Variants in FAM20A observed in about 807,000 individuals in gnomAD.
FAM20A encodes the protein FAM20A golgi associated secretory pathway pseudokinase.
A neutral mutation model predicts 52.0 loss-of-function variants in FAM20A; 42 were observed. The observed-to-expected ratio is 0.81, with a 90% CI of 0.63 to 1.04. The LOEUF is 1.04. FAM20A is among the 50% of genes least tolerant of loss of function. FAM20A has a pLI of 0.00. For missense variants in FAM20A, 742 were observed against 712.7 expected (o/e 1.04, Z -0.47); for synonymous variants, 304 against 298.9 (o/e 1.02, Z -0.18).
At chr17:68,563,373 T>G (rs1598039295) in intron 1 of FAM20A, among the ~76,000 whole-genome samples, 1 of 122,056 alleles carries the variant, frequency 8.2e-6, no homozygotes. Context: ...GCAACAAGAG[T>G]GAGACTCCGT....
At chr17:68,539,524 C>T in intron 9 of FAM20A, 128 bp from the exon 10 acceptor site, 1 of 803,056 alleles carries the variant, frequency 1.2e-6, no homozygotes, top group Admixed American at 1.9e-5. Flanking sequence ...ATGGCAGCTG[C>T]CTCTCCAGCC....
chr17:68,564,427 T>C (rs532508264), intron 1 of FAM20A, among the ~76,000 whole-genome samples: 18 of 152,336 alleles, frequency 1.2e-4, no homozygotes, highest in African/African-American at 4.1e-4. Flanking sequence ...AACACTGTTC[T>C]ACTGGCTAAC....
chr17:68,540,091 G>A, intron 8 of FAM20A, 125 bp from the exon 9 acceptor site: 1 of 787,936 alleles, frequency 1.3e-6, no homozygotes, highest in South Asian at 1.5e-5. Flanking sequence ...AACGAAGCTG[G>A]GCCTCACACT....
intron 1 of FAM20A, among the ~76,000 whole-genome samples, chr17:68,559,038 G>A (rs573418557): frequency 5.3e-5 from 8 of 152,312 alleles, no homozygotes; most frequent in East Asian, 3.9e-4. Flanking sequence ...AATTACAGGC[G>A]TGAGCCACCA....
chr17:68,575,709 A>C (rs2087738554), intron 1 of FAM20A, among the ~76,000 whole-genome samples: 2 of 123,458 alleles, frequency 1.6e-5, no homozygotes, highest in South Asian at 4.5e-4. Context: ...TATATTATAT[A>C]TTATATATTT....
intron 1 of FAM20A, among the ~76,000 whole-genome samples, chr17:68,559,451 A>G (rs2087148513): frequency 6.6e-6 from 1 of 152,248 alleles, no homozygotes; most frequent in South Asian, 2.1e-4. Context: ...AATAAAGCAC[A>G]AAGTCTTCAT....
At chr17:68,542,594 G>A (rs978044594) in intron 6 of FAM20A, 100 bp downstream of exon 6, 173 of 894,730 alleles carry the variant, frequency 1.9e-4, no homozygotes, top group Admixed American at 5.9e-4. Context: ...GTAATGGATA[G>A]TGCTAGCAGC....
Position 68,600,856 on chromosome 17 carries a change from C to G in FAM20A, c.-190G>C. The stretch of plus-strand genomic sequence containing the variant: ...CGCTCCTCAACTTGGGGACCAGGTG[C>G]ACGGAGCACCGGGGCTCTCGGAGTC... On this transcript the variant is annotated 5_prime_UTR_variant, in exon 1 of 11. Transcript: ENST00000592554. The surrounding 1 kb of genome is among the most constrained non-coding windows in gnomAD (Gnocchi z 6.2). 1 of 584,156 alleles carries G rather than the reference C, an allele frequency of 1.7e-6. No individual in the cohort carries two copies. Among genetic ancestry groups the G allele is most frequent in the Non-Finnish European group, 2.9e-6 (1 of 344,420 alleles). The allele number at this position is 584,156 out of a possible 1,614,324, so 36.2% of individuals were successfully genotyped here. A position where few individuals can be genotyped will look rare whatever the true frequency, so the allele number is the denominator to read the frequency against.
At chr17:68,576,628 C>A (rs185283736) in intron 1 of FAM20A, among the ~76,000 whole-genome samples, 62 of 152,210 alleles carry the variant, frequency 4.1e-4, no homozygotes, top group Non-Finnish European at 1.2e-4. Context: ...GCTGTAGACA[C>A]CTTTCAGACA....
At chr17:68,543,442 G>A (rs958537554) in intron 5 of FAM20A, among the ~76,000 whole-genome samples, 187 bp downstream of exon 5, 2 of 152,200 alleles carry the variant, frequency 1.3e-5, no homozygotes, top group African/African-American at 2.4e-5. Context: ...AAAAGGCCTT[G>A]TGTTTTTCAA....
At chr17:68,598,435 A>T (rs115788423) in intron 1 of FAM20A, among the ~76,000 whole-genome samples, 1 of 152,208 alleles carries the variant, frequency 6.6e-6, no homozygotes, top group East Asian at 1.9e-4. Flanking sequence ...TTTAACATTT[A>T]TAAGTGCAGC....
intron 1 of FAM20A, among the ~76,000 whole-genome samples, chr17:68,594,871 G>T (rs988344257): frequency 6.6e-6 from 1 of 152,158 alleles, no homozygotes; most frequent in Non-Finnish European, 1.5e-5. Flanking sequence ...ATTAGGTCAC[G>T]CTAACCAGAT....
intron 1 of FAM20A, among the ~76,000 whole-genome samples, chr17:68,569,307 C>G (rs2087473595): frequency 6.6e-6 from 1 of 152,140 alleles, no homozygotes. Flanking sequence ...ATCTGTCCAC[C>G]CCTCTTCTCT....
At chr17:68,598,135 C>T (rs1399341991) in intron 1 of FAM20A, 1 of 151,458 alleles carries the variant, frequency 6.6e-6, no homozygotes, top group Non-Finnish European at 1.5e-5. Context: ...CCTCAAGTGA[C>T]TAGGACTACA....
chr17:68,548,874 C>A (rs867415594), intron 4 of FAM20A, among the ~76,000 whole-genome samples: 14 of 151,106 alleles, frequency 9.3e-5, no homozygotes, highest in Non-Finnish European at 1.3e-4. Flanking sequence ...CTGGGACTAC[C>A]GGCACCCACC....
intron 1 of FAM20A, chr17:68,590,383 C>T (rs913896262): frequency 1.3e-5 from 2 of 152,188 alleles, no homozygotes; most frequent in Non-Finnish European, 2.9e-5. Context: ...AGGACTTACA[C>T]ACAGGTATCT....
rs770641013 is a variant in FAM20A, at chr17:68,537,610, A to T, written c.1493T>A (p.Leu498Gln). Residue 498 changes from leucine to glutamine, a missense_variant, in exon 11 of 11, where the codon CTG becomes CAG. By Grantham distance (113) the Leu-to-Gln change is moderately radical (BLOSUM62 -2). Transcript: ENST00000592554. This position sits in a 1 kb window ranked among gnomAD's most constrained non-coding sequence, Gnocchi z 4.2. ...TAGGATGGTTTGGAGCCTTCGATCC[A>T]GGGCAAGGAGGTGGGGTTCAGTGAG... is the stretch of plus-strand genomic sequence containing the variant. ...PVLTEPHLLA[L>Q]DRRLQTILRT... 1.2e-5 allele frequency: 20 copies of T among 1,613,618 alleles called. No individual in the cohort carries two copies. The highest frequency in any genetic ancestry group is 1.4e-5 in the Non-Finnish European group (17 of 1,179,818).
At chr17:68,559,734 TCCAGAGGCAA>T (rs2143737196) in intron 1 of FAM20A, among the ~76,000 whole-genome samples, 1 of 152,340 alleles carries the variant, frequency 6.6e-6, no homozygotes, top group Admixed American at 6.5e-5. Context: ...GCTTCCCATC[TCCAGAGGCAA>T]CTAATGTTGC....
Position 68,590,563 on chromosome 17 carries a change from C to G in FAM20A, c.404+9700G>C, listed in dbSNP as rs1296911725. On this transcript the variant is annotated intron_variant, in intron 1 of 10. Coordinates refer to ENST00000592554, the MANE Select transcript of FAM20A (RefSeq NM_017565.4). ...ACCAAAGTCGCTTTAAAAGAATGCCCAAATAAAGATTCCTATTTCCTTGGG... is the reference window on the plus strand; with the variant it reads ...ACCAAAGTCGCTTTAAAAGAATGCCGAAATAAAGATTCCTATTTCCTTGGG... Among the ~76,000 whole-genome samples the G allele has an allele frequency of 3.3e-5, 5 of 152,272 alleles. No individual in the cohort carries two copies. In the East Asian group the frequency reaches 9.6e-4, roughly 29 times the overall value.
Sources: gnomAD v4.1 joint callset for allele counts (sites outside exome capture counted in the v4.1 genomes callset) on GRCh38, gnomAD v4.1.1 for gene constraint, Gnocchi (gnomAD v3.1) non-coding constraint, MANE v1.5 for transcripts, NCBI Gene and HGNC (gene_info 2026-07-23, HGNC 2026-07-21) for gene names.